Variants in SF3A1 observed in about 807,000 individuals in gnomAD.
SF3A1 encodes splicing factor 3a subunit 1, also known as SAP 114.
SF3A1 carries 13 observed loss-of-function variants against 89.9 expected under a neutral mutation model. That is an observed-to-expected ratio of 0.14 (90% confidence interval 0.09 to 0.23). The LOEUF is 0.23. Among genes scored for constraint, SF3A1 ranks in the 10% least tolerant of loss-of-function variants. The pLI is 1.00. For synonymous variants in SF3A1, 405 were observed against 374.4 expected, an observed-to-expected ratio of 1.08 and a Z score of -0.94; for missense variants, 604 against 1,022.1, an observed-to-expected ratio of 0.59 and a Z score of 5.58.
chr22:30,351,289 C>G (rs1300547713), intron 2 of SF3A1, among the ~76,000 whole-genome samples: 1 of 150,762 alleles, frequency 6.6e-6, no homozygotes, highest in Non-Finnish European at 1.5e-5. Context: ...CAGAGTGAGA[C>G]TCCATGTCAT....
At chr22:30,353,863 G>A (rs1356964589) in intron 1 of SF3A1, among the ~76,000 whole-genome samples, 1 of 152,182 alleles carries the variant, frequency 6.6e-6, no homozygotes, top group African/African-American at 2.4e-5. Context: ...CAGATGCAGG[G>A]ACTCCGACTA....
chr22:30,345,976 C>A (rs1242718656), intron 3 of SF3A1, among the ~76,000 whole-genome samples: 2 of 152,106 alleles, frequency 1.3e-5, no homozygotes, highest in Non-Finnish European at 2.9e-5. Context: ...GGAAGTGCTG[C>A]CCTCACATCA....
At chr22:30,343,218 T>C (rs1931317391) in intron 4 of SF3A1, among the ~76,000 whole-genome samples, 1 of 152,196 alleles carries the variant, frequency 6.6e-6, no homozygotes, top group African/African-American at 2.4e-5. Context: ...GCTCTCATCC[T>C]TTCAAAAACA....
At chr22:30,356,087 CA>C (rs1298779981) in intron 1 of SF3A1, among the ~76,000 whole-genome samples, 1 of 152,152 alleles carries the variant, frequency 6.6e-6, no homozygotes, top group African/African-American at 2.4e-5. Context: ...GGTTTGTGCA[CA>C]TTCGAGATTG....
chr22:30,346,670 T>G, intron 2 of SF3A1, 151 bp from the exon 3 acceptor site: 3 of 788,510 alleles, frequency 3.8e-6, no homozygotes, highest in Non-Finnish European at 6.0e-6. Flanking sequence ...TTCCTGGCAT[T>G]GGCGATCAGT....
chr22:30,346,375 G>T lies in SF3A1; in HGVS notation c.330C>A (p.Ser110=). The change falls in exon 3 of 16, where the codon TCC becomes TCA. Residue 110 remains serine, a synonymous_variant. Transcript: ENST00000215793. The part of the protein sequence containing the change: ...EFKEGKAQEP[S]AAIPKVMQQQ... ...GCTGCATGACCTTGGGGATGGCGGC[G>T]GACGGCTCCTGAGCCTTCCCTTCCT... 1 of 1,614,010 alleles carries T rather than the reference G, an allele frequency of 6.2e-7. No homozygotes were observed. Among genetic ancestry groups the T allele is most frequent in the Non-Finnish European group, 8.5e-7 (1 of 1,179,936 alleles).
intron 2 of SF3A1, chr22:30,352,507 G>A (rs1214822498): frequency 1.3e-5 from 2 of 158,416 alleles, no homozygotes; most frequent in African/African-American, 2.4e-5. Flanking sequence ...ACTGCATGCA[G>A]CCCCATGACC....
intron 4 of SF3A1, 111 bp downstream of exon 4, chr22:30,344,822 G>T: frequency 1.6e-6 from 2 of 1,219,118 alleles, no homozygotes; most frequent in East Asian, 2.3e-5. Context: ...TTGCTCAGAG[G>T]CCCCATGGAG....
chr22:30,353,489 C>T (rs140122147), intron 1 of SF3A1, among the ~76,000 whole-genome samples: 125 of 152,330 alleles, frequency 8.2e-4, no homozygotes, highest in African/African-American at 2.9e-3. Flanking sequence ...TTGGTGCCAC[C>T]ACCTGGCCCT....
Position 30,337,956 on chromosome 22 carries a change from C to T in SF3A1, c.1744-59G>A, listed in dbSNP as rs932795068. 2.0e-5 allele frequency: 25 copies of T among 1,253,660 alleles called. No homozygotes were observed. In the African/African-American group the frequency reaches 2.5e-4, roughly 12 times the overall value. 77.7% of individuals were successfully genotyped at this position (1,253,660 alleles called of 1,614,324 possible). Reference sequence around the variant, plus strand: ...GCCAAAGTTGGACTCCAAGGTCACACACAGTTGGCAACTGGCTGCCTGCAG... The same window carrying T: ...GCCAAAGTTGGACTCCAAGGTCACATACAGTTGGCAACTGGCTGCCTGCAG... On this transcript the variant is annotated intron_variant, in intron 11 of 15. Transcript: ENST00000215793.
At chr22:30,346,658 G>T in intron 2 of SF3A1, 139 bp from the exon 3 acceptor site, 1 of 885,764 alleles carries the variant, frequency 1.1e-6, no homozygotes, top group Non-Finnish European at 1.7e-6. Context: ...TCCTCCTCTA[G>T]CTTCCTGGCA....
intron 2 of SF3A1, among the ~76,000 whole-genome samples, chr22:30,348,516 G>A (rs1931488333): frequency 1.3e-5 from 2 of 152,100 alleles, no homozygotes. Flanking sequence ...TAAGACAGAT[G>A]GCAGGAGACA....
At chr22:30,346,258 T>G (rs1407643959) in intron 3 of SF3A1, 54 bp downstream of exon 3, 2 of 1,198,232 alleles carry the variant, frequency 1.7e-6, no homozygotes, top group African/African-American at 3.0e-5. Flanking sequence ...TCCCTCCCTA[T>G]CCCTGTTTCC....
At chr22:30,341,458 G>A (rs1055581085) in intron 7 of SF3A1, among the ~76,000 whole-genome samples, 16 of 152,182 alleles carry the variant, frequency 1.1e-4, no homozygotes, top group African/African-American at 3.6e-4. Context: ...CCAGGGAGGC[G>A]GCCACAGAAC....
chr22:30,342,004 A>C (rs1931274411), intron 6 of SF3A1, 119 bp from the exon 7 acceptor site: 1 of 1,211,096 alleles, frequency 8.3e-7, no homozygotes, highest in Admixed American at 2.3e-5. Flanking sequence ...CCAGAGGCCC[A>C]TCTAGGGTCT....
At chr22:30,343,082 CCACT>C (rs1601694980) in intron 4 of SF3A1, among the ~76,000 whole-genome samples, 1 of 152,048 alleles carries the variant, frequency 6.6e-6, no homozygotes, top group African/African-American at 2.4e-5. Flanking sequence ...AATGGCACCA[CCACT>C]CAAAGTTGGC....
chr22:30,347,674 C>T (rs879473879), intron 2 of SF3A1, among the ~76,000 whole-genome samples: 15 of 152,196 alleles, frequency 9.9e-5, no homozygotes, highest in Admixed American at 2.6e-4. Flanking sequence ...AGAAAGTACA[C>T]GGACCTTAAA....
In SF3A1 at chr22:30,345,012, C is replaced by T. The variant is rs778808814; in HGVS notation, c.572G>A (p.Arg191His). The T allele has an allele frequency of 2.5e-6, 4 of 1,614,056 alleles. No individual in the cohort carries two copies. The highest frequency in any genetic ancestry group is 1.3e-5 in the African/African-American group (1 of 74,900). Residue 191 changes from arginine to histidine, a missense_variant, in exon 4 of 16, where the codon CGC (arginine) becomes CAC (histidine). By Grantham distance (29) the Arg-to-His change is conservative. Around this residue, in one of 9 missense-constraint regions of SF3A1, gnomAD observed 162 missense variants for 229.2 expected, o/e 0.71. Coordinates refer to ENST00000215793, the MANE Select transcript of SF3A1 (RefSeq NM_005877.6). The part of the protein sequence containing the change: ...FLTQLMQKEQ[R>H]NYQFDFLRPQ... Reference sequence around the variant, plus strand: ...GCGGAGAAAGTCAAACTGGTAGTTGCGCTGCTCTTTCTGCATCAGCTGGGT... The same window carrying T: ...GCGGAGAAAGTCAAACTGGTAGTTGTGCTGCTCTTTCTGCATCAGCTGGGT...
intron 2 of SF3A1, 65 bp from the exon 3 acceptor site, chr22:30,346,584 T>C (rs1346680422): frequency 6.4e-7 from 1 of 1,556,148 alleles, no homozygotes; most frequent in Non-Finnish European, 8.8e-7. Context: ...TCTAGAACAC[T>C]GCCCATTGGA....
Sources: allele counts gnomAD v4.1 joint callset (sites outside exome capture counted in the v4.1 genomes callset), GRCh38; gene constraint gnomAD v4.1.1; regional missense constraint gnomAD v4.1.1; transcripts MANE v1.5; gene names NCBI Gene and HGNC (gene_info 2026-07-23, HGNC 2026-07-21).